TBC1D22B: variants seen among roughly 807,000 people sequenced by gnomAD.
TBC1D22B encodes TBC1 domain family member 22B.
In TBC1D22B, 32 loss-of-function variants were observed where a neutral mutation model predicts 69.1. That is an observed-to-expected ratio of 0.46 (90% confidence interval 0.35 to 0.62). The LOEUF (loss-of-function observed/expected upper bound fraction) is 0.62, where lower values mean the gene tolerates loss of function less well. TBC1D22B is among the 20% of genes least tolerant of loss of function. The pLI is 0.00. For synonymous variants in TBC1D22B, 206 were observed against 229.8 expected (o/e 0.90, Z 0.94); for missense variants, 462 against 630.9 (o/e 0.73, Z 2.87).
At chr6:37,304,803 T>A (rs1208979273) in intron 8 of TBC1D22B, among the ~76,000 whole-genome samples, 1 of 152,256 alleles carries the variant, frequency 6.6e-6, no homozygotes. Flanking sequence ...AATCGCTTTC[T>A]TAGTTTAATT....
chr6:37,270,196 A>C (rs1463447064), intron 2 of TBC1D22B, among the ~76,000 whole-genome samples: 1 of 152,232 alleles, frequency 6.6e-6, no homozygotes, highest in Non-Finnish European at 1.5e-5. Context: ...TCACGCCTGT[A>C]ATCCCAGCAC....
rs1003613481 is a variant in TBC1D22B, at chr6:37,323,106, C to T, written c.1389+5900C>T. Among the ~76,000 whole-genome samples the T allele has an allele frequency of 6.6e-5, 10 of 152,170 alleles. No homozygotes were observed. The East Asian group carries it at 7.7e-4, about 12-fold the overall frequency. On this transcript the variant is annotated intron_variant, in intron 12 of 12. Transcript: ENST00000373491. ...AAAGCAGCAGCAGCAGCAGCAGCAG[C>T]GAAGCCCAGAACATGGGAGCCCAGG...
rs754990743 is a variant in TBC1D22B, at chr6:37,312,925, T to C, written c.990T>C (p.Asp330=). 8.7e-6 allele frequency: 14 copies of C among 1,613,434 alleles called. No individual in the cohort carries two copies. Among genetic ancestry groups the C allele is most frequent in the Non-Finnish European group, 1.2e-5 (14 of 1,179,492 alleles). ...VVFLSEYVEE[D]VENFDVTNLS... ...TCACCTTTTGTTTTACAGAAGAGGATGTGGAGAACTTTGACGTGACCAACT... is the reference window on the plus strand; with the variant it reads ...TCACCTTTTGTTTTACAGAAGAGGACGTGGAGAACTTTGACGTGACCAACT... Residue 330 remains aspartate (D), a synonymous_variant, in exon 9 of 13, where the codon GAT becomes GAC. Transcript: ENST00000373491.
At chr6:37,285,314 A>ATTTTT (rs1766968884) in intron 6 of TBC1D22B, among the ~76,000 whole-genome samples, 2 of 32,804 alleles carry the variant, frequency 6.1e-5, no homozygotes, top group African/African-American at 2.5e-4. Context: ...GTCCTTCCCC[A>ATTTTT]CTTTTTTTTT....
chr6:37,282,596 A>T (rs914399770), intron 4 of TBC1D22B, among the ~76,000 whole-genome samples: 1 of 152,082 alleles, frequency 6.6e-6, no homozygotes, highest in Admixed American at 6.6e-5. Flanking sequence ...AACTATTCTG[A>T]CTTTGGTCTT....
intron 8 of TBC1D22B, among the ~76,000 whole-genome samples, chr6:37,299,691 A>T (rs777325594): frequency 1.3e-5 from 2 of 151,712 alleles, no homozygotes; most frequent in African/African-American, 4.8e-5. Context: ...TTGCTTAGGA[A>T]CTCTTTCCTT....
intron 12 of TBC1D22B, among the ~76,000 whole-genome samples, chr6:37,322,718 A>C (rs1230830898): frequency 6.6e-6 from 1 of 152,202 alleles, no homozygotes; most frequent in East Asian, 1.9e-4. Context: ...AAGCAGATTA[A>C]TGTCAGACCT....
chr6:37,330,321 C>T (rs1768548372), intron 12 of TBC1D22B, among the ~76,000 whole-genome samples: 1 of 147,804 alleles, frequency 6.8e-6, no homozygotes, highest in South Asian at 2.1e-4. Flanking sequence ...TCCCTGCAAC[C>T]TCCGCCTCCC....
chr6:37,326,000 G>T (rs1442614845), intron 12 of TBC1D22B, among the ~76,000 whole-genome samples: 2 of 152,128 alleles, frequency 1.3e-5, no homozygotes, highest in Admixed American at 1.3e-4. Context: ...ACATTCACTT[G>T]TGCAGGGGTG....
chr6:37,259,303 C>T (rs553179420), intron 1 of TBC1D22B, among the ~76,000 whole-genome samples: 2 of 152,268 alleles, frequency 1.3e-5, no homozygotes, highest in South Asian at 4.1e-4. Flanking sequence ...GTTAATATTA[C>T]TGTTAAAGAT....
intron 12 of TBC1D22B, among the ~76,000 whole-genome samples, chr6:37,324,027 G>A (rs1768325254): frequency 6.6e-6 from 1 of 152,200 alleles, no homozygotes; most frequent in South Asian, 2.1e-4. Context: ...TTGAAAAGTT[G>A]TATAGGGACC....
chr6:37,284,597 C>A, intron 6 of TBC1D22B, 133 bp downstream of exon 6: 1 of 1,020,896 alleles, frequency 9.8e-7, no homozygotes, highest in Non-Finnish European at 1.3e-6. Context: ...AATTTATCCT[C>A]AAAACTGTTT....
intron 2 of TBC1D22B, among the ~76,000 whole-genome samples, chr6:37,273,470 C>T (rs192544210): frequency 1.3e-3 from 199 of 152,348 alleles, no homozygotes; most frequent in African/African-American, 4.5e-3. Context: ...CTATCATCAA[C>T]TGAGCTTTTC....
At position 37,331,202 on chromosome 6, in the gene TBC1D22B, C is replaced by T; in HGVS notation, c.*30C>T. The T allele has an allele frequency of 6.2e-7, 1 of 1,612,214 alleles. No individual in the cohort carries two copies. Among genetic ancestry groups the T allele is most frequent in the East Asian group, 2.2e-5 (1 of 44,852 alleles). ...TGTCTCCTCCGGGGACCCAGACTGC[C>T]TTCATCTCTGATGGCAGTCTGATCA... On this transcript the variant is annotated 3_prime_UTR_variant, in exon 13 of 13. Coordinates refer to ENST00000373491, the MANE Select transcript of TBC1D22B (RefSeq NM_017772.4).
rs541489724 is a variant in TBC1D22B at position 37,283,099 on chromosome 6, C to T, written c.672+147C>T. On this transcript the variant is annotated intron_variant, in intron 5 of 12. Coordinates refer to ENST00000373491, the MANE Select transcript of TBC1D22B (RefSeq NM_017772.4). Reference sequence around the variant, plus strand: ...GAACTATGGGACTATAGTCCTATTTCTGTGCATAAAGAAATACATTCTTGA... The same window carrying T: ...GAACTATGGGACTATAGTCCTATTTTTGTGCATAAAGAAATACATTCTTGA... 33 of 653,030 alleles carry T rather than the reference C, an allele frequency of 5.1e-5. No homozygotes were observed. The African/African-American group carries it at 5.5e-4, about 11-fold the overall frequency. The allele number at this position is 653,030 out of a possible 1,614,324, so 40.5% of individuals were successfully genotyped here.
At chr6:37,320,744 A>G (rs1312375921) in intron 12 of TBC1D22B, among the ~76,000 whole-genome samples, 8 of 152,192 alleles carry the variant, frequency 5.3e-5, no homozygotes. Context: ...AGAGAGGACC[A>G]AAAACTGACA....
At chr6:37,276,831 C>T (rs2113731791) in intron 2 of TBC1D22B, among the ~76,000 whole-genome samples, 1 of 152,224 alleles carries the variant, frequency 6.6e-6, no homozygotes. Context: ...GTGGAGGTTG[C>T]AGTGAGCCTA....
chr6:37,306,990 G>A (rs1410177091), intron 8 of TBC1D22B, among the ~76,000 whole-genome samples: 3 of 152,188 alleles, frequency 2.0e-5, no homozygotes, highest in Non-Finnish European at 4.4e-5. Context: ...ATCTCTCTCA[G>A]AGACCAGCTC....
In TBC1D22B at chr6:37,267,641, A is replaced by G. The variant is rs191541201; in HGVS notation, c.57-1953A>G. ...TGATTGTGTTTATAAGTGTAACTTT[A>G]TACCATATTTCTTCAGACAGTACCT... On this transcript the variant is annotated intron_variant, in intron 1 of 12. Coordinates refer to ENST00000373491, the MANE Select transcript of TBC1D22B (RefSeq NM_017772.4). Among the ~76,000 whole-genome samples the G allele has an allele frequency of 1.5e-3, 222 of 150,916 alleles. 1 individual carries two copies. The highest frequency in any genetic ancestry group is 5.1e-3 in the African/African-American group (210 of 41,224).
Sources: allele counts gnomAD v4.1 joint callset (sites outside exome capture counted in the v4.1 genomes callset), GRCh38; gene constraint gnomAD v4.1.1; transcripts MANE v1.5; gene names NCBI Gene and HGNC (gene_info 2026-07-23, HGNC 2026-07-21).